YLPM1: variants seen among roughly 807,000 people sequenced by gnomAD.
YLPM1 encodes the protein YLP motif-containing protein 1.
YLPM1 carries 99 observed loss-of-function variants against 230.0 expected under a neutral mutation model. The observed-to-expected ratio is 0.43, with a 90% CI of 0.37 to 0.51. YLPM1 has a LOEUF of 0.51. Ranked by LOEUF, YLPM1 falls within the 20% of genes least tolerant of loss-of-function variation. The pLI is 0.00. For synonymous variants in YLPM1, 984 were observed against 942.5 expected (o/e 1.04, Z -0.81); for missense variants, 2,592 against 2,707.7 (o/e 0.96, Z 0.95).
At chr14:74,769,936 ACTTTGG>A (rs1171868471) in intron 1 of YLPM1, among the ~76,000 whole-genome samples, 1 of 143,902 alleles carries the variant, frequency 6.9e-6, no homozygotes, top group African/African-American at 2.5e-5. Context: ...TAATCCCAGC[ACTTTGG>A]GAGGCCTAGG....
chr14:74,803,746 G>T (rs1013904784), intron 6 of YLPM1, among the ~76,000 whole-genome samples: 27 of 152,024 alleles, frequency 1.8e-4, no homozygotes, highest in African/African-American at 6.3e-4. Context: ...GCTCCATCTT[G>T]CTGATTTGTC....
At chr14:74,796,100 G>T (rs1199070269) in intron 4 of YLPM1, among the ~76,000 whole-genome samples, 3 of 152,178 alleles carry the variant, frequency 2.0e-5, no homozygotes, top group African/African-American at 4.8e-5. Context: ...TGTCTGGGGG[G>T]CCTTGTGTCT....
At position 74,798,248 on chromosome 14, in the gene YLPM1, C is replaced by G; in HGVS notation, c.2951C>G (p.Pro984Arg). ...TTAACAGCAGATAATGATTTTAAAC[C>G]TGTGGGTATTGGTCTACCCCATTCA... Reference protein sequence around the residue: ...SSLTADNDFKPVGIGLPHSEN... With the variant: ...SSLTADNDFKRVGIGLPHSEN... The change falls in exon 5 of 21, where the codon CCT becomes CGT. Residue 984 changes from proline to arginine, a missense_variant. Physicochemically the swap from Pro to Arg is moderately radical, Grantham distance 103. This residue lies in a region of YLPM1 where 1,862 missense variants were observed against 1,819.8 expected (regional missense o/e 1.02). Coordinates refer to ENST00000325680, the MANE Select transcript of YLPM1 (RefSeq NM_019589.3). 2 of 1,613,934 alleles carry G rather than the reference C, an allele frequency of 1.2e-6. No homozygotes were observed. The highest frequency in any genetic ancestry group is 1.7e-6 in the Non-Finnish European group (2 of 1,179,886).
Position 74,780,713 on chromosome 14 carries a change from G to A in YLPM1, c.1290+129G>A, listed in dbSNP as rs2091084036. ...GACAATTAGTTGTTTCCCAAGGGGT[G>A]CCCAAGTAGTTATCTGCCACATTAC... On this transcript the variant is annotated intron_variant, in intron 3 of 20. Coordinates refer to ENST00000325680, the MANE Select transcript of YLPM1 (RefSeq NM_019589.3). The A allele has an allele frequency of 3.5e-6, 5 of 1,430,210 alleles. No individual in the cohort carries two copies. The Admixed American group carries it at 1.4e-4, about 39-fold the overall frequency. The allele number at this position is 1,430,210 out of a possible 1,614,324, so 88.6% of individuals were successfully genotyped here. A position where few individuals can be genotyped will look rare whatever the true frequency, so the allele number is the denominator to read the frequency against.
chr14:74,811,923 AAGT>A (rs1406594424), intron 10 of YLPM1, among the ~76,000 whole-genome samples, 185 bp downstream of exon 10: 3 of 152,236 alleles, frequency 2.0e-5, no homozygotes, highest in Non-Finnish European at 2.9e-5. Flanking sequence ...TTTTAAAACA[AAGT>A]AGAATCAAAA....
intron 18 of YLPM1, chr14:74,828,142 G>A: frequency 2.6e-6 from 1 of 382,718 alleles, no homozygotes; most frequent in Non-Finnish European, 3.6e-6. Context: ...CACCCTTTCT[G>A]CCACTGCTTT....
chr14:74,821,317 C>A lies in YLPM1; in HGVS notation c.6111+180C>A, dbSNP rs763869732. ...TTATTTTTCCCCAGACCAAAAGAAC[C>A]CTCTAATGTGGTGTTAAGAGAAAGT... On this transcript the variant is annotated intron_variant, in intron 17 of 20. Transcript: ENST00000325680. The A allele has an allele frequency of 4.6e-6, 4 of 876,272 alleles. No homozygotes were observed. The African/African-American group carries it at 7.0e-5, about 15-fold the overall frequency. 54.3% of individuals were successfully genotyped at this position (876,272 alleles called of 1,614,324 possible).
chr14:74,765,964 A>C (rs777243121), intron 1 of YLPM1, among the ~76,000 whole-genome samples: 3 of 152,162 alleles, frequency 2.0e-5, no homozygotes, highest in Non-Finnish European at 4.4e-5. Context: ...TCTTTTTAGA[A>C]TTCATCCTAA....
In YLPM1 at chr14:74,764,219, C is replaced by T. The variant is rs774052398; in HGVS notation, c.730C>T (p.Leu244=). ...RPSQGHSKSQ[L]LAPPPPSAPP... ...CTCCCAGGGCCATTCTAAATCCCAA[C>T]TACTAGCTCCACCACCACCGTCCGC... The change falls in exon 1 of 21, where the codon CTA becomes TTA. Residue 244 remains leucine, a synonymous_variant. Coordinates refer to ENST00000325680, the MANE Select transcript of YLPM1 (RefSeq NM_019589.3). 2.5e-6 allele frequency: 4 copies of T among 1,613,186 alleles called. No homozygotes were observed. In the South Asian group the frequency reaches 3.3e-5, roughly 13 times the overall value.
At chr14:74,813,934 G>T (rs2091456143) in intron 11 of YLPM1, among the ~76,000 whole-genome samples, 1 of 152,102 alleles carries the variant, frequency 6.6e-6, no homozygotes, top group South Asian at 2.1e-4. Flanking sequence ...CTTTCTTTCT[G>T]AATTGAATGC....
chr14:74,791,219 G>C (rs1173115766), intron 4 of YLPM1, among the ~76,000 whole-genome samples: 1 of 152,132 alleles, frequency 6.6e-6, no homozygotes, highest in Non-Finnish European at 1.5e-5. Context: ...AGTGAGCTAG[G>C]ATCATGCCAC....
chr14:74,781,859 C>T lies in YLPM1; in HGVS notation c.1816C>T (p.Pro606Ser). 6.2e-7 allele frequency: 1 copy of T among 1,612,856 alleles called. No individual in the cohort carries two copies. The highest frequency in any genetic ancestry group is 8.5e-7 in the Non-Finnish European group (1 of 1,179,450). ...TTCTGCAGGGCCACCACCAGTTCTTCCCCCACCATCTCTCTCTTCAACAGC... is the reference window on the plus strand; with the variant it reads ...TTCTGCAGGGCCACCACCAGTTCTTTCCCCACCATCTCTCTCTTCAACAGC... ...LSSAGPPPVL[P>S]PPSLSSTAPP... Residue 606 changes from proline to serine, a missense_variant, in exon 4 of 21, where the codon CCC becomes TCC. By Grantham distance (74) the Pro-to-Ser change is moderately conservative (BLOSUM62 -1). Coordinates refer to ENST00000325680, the MANE Select transcript of YLPM1 (RefSeq NM_019589.3).
At chr14:74,780,383 A>G in intron 2 of YLPM1, 22 bp from the exon 3 acceptor site, 1 of 1,593,690 alleles carries the variant, frequency 6.3e-7, no homozygotes, top group Non-Finnish European at 8.5e-7. Context: ...TTACATAAAG[A>G]TGTGTCCTCT....
chr14:74,770,465 A>G (rs1439409676), intron 1 of YLPM1, among the ~76,000 whole-genome samples: 1 of 152,034 alleles, frequency 6.6e-6, no homozygotes. Flanking sequence ...CTCTACTACA[A>G]ATACAAAAAA....
At chr14:74,794,022 C>T (rs2091233778) in intron 4 of YLPM1, among the ~76,000 whole-genome samples, 1 of 152,184 alleles carries the variant, frequency 6.6e-6, no homozygotes, top group South Asian at 2.1e-4. Context: ...AGTTACCACT[C>T]ATATTTGTTC....
At chr14:74,818,459 G>A in intron 16 of YLPM1, 145 bp downstream of exon 16, 1 of 571,292 alleles carries the variant, frequency 1.8e-6, no homozygotes, top group Middle Eastern at 3.8e-4. Context: ...TGAGATCACG[G>A]TTAGTATTTT....
Position 74,836,338 on chromosome 14 carries a change from C to T in YLPM1, c.*600C>T, listed in dbSNP as rs1041749206. 1 of 152,246 alleles carries T rather than the reference C, an allele frequency of 6.6e-6. No individual in the cohort carries two copies. The highest frequency in any genetic ancestry group is 2.4e-5 in the African/African-American group (1 of 41,360). 9.4% of individuals were successfully genotyped at this position (152,246 alleles called of 1,614,324 possible). On this transcript the variant is annotated 3_prime_UTR_variant, in exon 21 of 21. Coordinates refer to ENST00000325680, the MANE Select transcript of YLPM1 (RefSeq NM_019589.3). ...TGATTCCGTAGCACATGTTGTAAAA[C>T]ACAGGGTTCAAATGATGTTCAAAAC...
chr14:74,833,309 T>C (rs1165164544), intron 19 of YLPM1, among the ~76,000 whole-genome samples: 1 of 152,136 alleles, frequency 6.6e-6, no homozygotes, highest in Non-Finnish European at 1.5e-5. Flanking sequence ...AGTACAGTGG[T>C]GTGATCTTGG....
intron 9 of YLPM1, 123 bp downstream of exon 9, chr14:74,810,543 G>A (rs577803921): frequency 1.9e-6 from 2 of 1,046,418 alleles, no homozygotes; most frequent in East Asian, 5.1e-5. Flanking sequence ...TTTGGAGGGG[G>A]AAGAACAATT....
Sources: gnomAD v4.1 joint callset for allele counts (sites outside exome capture counted in the v4.1 genomes callset) on GRCh38, gnomAD v4.1.1 for gene constraint, gnomAD v4.1.1 regional missense constraint, MANE v1.5 for transcripts, NCBI Gene and HGNC (gene_info 2026-07-23, HGNC 2026-07-21) for gene names.